The following KLB variants were observed in gnomAD, a reference collection of about 807,000 sequenced individuals.
KLB encodes the protein klotho beta, also known as beta-klotho.
In KLB, 44 loss-of-function variants were observed where a neutral mutation model predicts 88.4. That is an observed-to-expected ratio of 0.50 (90% CI 0.39 to 0.64). KLB has a LOEUF of 0.64. Ranked by LOEUF, KLB falls within the 30% of genes least tolerant of loss-of-function variation. The pLI is 0.00. For synonymous variants in KLB, 548 were observed against 513.4 expected (o/e 1.07, Z -0.91); for missense variants, 1,137 against 1,304.8 (o/e 0.87, Z 1.98).
chr4:39,436,045 C>T (rs947903742), intron 2 of KLB, among the ~76,000 whole-genome samples: 1 of 152,158 alleles, frequency 6.6e-6, no homozygotes, highest in Admixed American at 6.5e-5. Flanking sequence ...CCCCACTTAG[C>T]CCCTCACTCC....
rs1356635976 is a variant in KLB, at chr4:39,434,572, A to G, written c.1188A>G (p.Leu396=). ...TGGGACAAAATGTTTCACTTAATTTAAGAGAAGCGCTGAACTGGATTAAAC... is the reference window on the plus strand; with the variant it reads ...TGGGACAAAATGTTTCACTTAATTTGAGAGAAGCGCTGAACTGGATTAAAC... The part of the protein sequence containing the change: ...AKMGQNVSLN[L]REALNWIKLE... Residue 396 remains leucine (L), a synonymous_variant, in exon 2 of 5, where the codon TTA becomes TTG. Coordinates refer to ENST00000257408, the MANE Select transcript of KLB (RefSeq NM_175737.4). 1 of 1,614,188 alleles carries G rather than the reference A, an allele frequency of 6.2e-7. No individual in the cohort carries two copies. Among genetic ancestry groups the G allele is most frequent in the Non-Finnish European group, 8.5e-7 (1 of 1,180,032 alleles).
In KLB at chr4:39,407,152, C is replaced by A. The variant is rs1742746726; in HGVS notation, c.203C>A (p.Thr68Asn). ...ATATGGTCTAAAAATCCTAATTTTACTCCGGTAAATGAAAGTCAGCTGTTT... is the reference window on the plus strand; with the variant it reads ...ATATGGTCTAAAAATCCTAATTTTAATCCGGTAAATGAAAGTCAGCTGTTT... ...RAIWSKNPNF[T>N]PVNESQLFLY... Residue 68 changes from threonine to asparagine, a missense_variant, in exon 1 of 5, where the codon ACT becomes AAT. Thr to Asn is a moderately conservative substitution (Grantham distance 65, BLOSUM62 0). This residue lies in a region of KLB where 111 missense variants were observed against 118.3 expected (regional missense o/e 0.94). Transcript: ENST00000257408. 1 of 1,614,108 alleles carries A rather than the reference C, an allele frequency of 6.2e-7. No homozygotes were observed.
chr4:39,443,343 G>A (rs1384878248), intron 3 of KLB, among the ~76,000 whole-genome samples: 1 of 150,536 alleles, frequency 6.6e-6, no homozygotes, highest in African/African-American at 2.4e-5. Context: ...TAGTGTGGGC[G>A]ACAGGGCAAG....
chr4:39,429,215 G>T (rs893582527), intron 1 of KLB, among the ~76,000 whole-genome samples: 5 of 152,190 alleles, frequency 3.3e-5, no homozygotes, highest in African/African-American at 4.8e-5. Flanking sequence ...CTCATGCACA[G>T]ATTTGGAAAT....
intron 1 of KLB, among the ~76,000 whole-genome samples, chr4:39,415,578 T>A (rs1742948227): frequency 6.6e-6 from 1 of 152,190 alleles, no homozygotes; most frequent in Non-Finnish European, 1.5e-5. Context: ...ATAATTTAAA[T>A]AATGTGCATT....
At chr4:39,435,666 T>C (rs1046608672) in intron 2 of KLB, among the ~76,000 whole-genome samples, 1 of 151,940 alleles carries the variant, frequency 6.6e-6, no homozygotes, top group Non-Finnish European at 1.5e-5. Context: ...CCTCAGGTGA[T>C]CCACCTGCCT....
At position 39,449,591 on chromosome 4, in the gene KLB, A is replaced by G. The variant is rs888205240; in HGVS notation, c.*905A>G. The stretch of plus-strand genomic sequence containing the variant: ...AACAACAAAAAATCACCTATAGAAT[A>G]TCTAATTTGTGATCTTTTACTAGAT... On this transcript the variant is annotated 3_prime_UTR_variant, in exon 5 of 5. Transcript: ENST00000257408. The G allele has an allele frequency of 5.3e-5, 8 of 152,170 alleles. No individual in the cohort carries two copies. Among genetic ancestry groups the G allele is most frequent in the African/African-American group, 1.9e-4 (8 of 41,428 alleles). The allele number at this position is 152,170 out of a possible 1,614,324, so 9.4% of individuals were successfully genotyped here.
intron 4 of KLB, 60 bp from the exon 5 acceptor site, chr4:39,448,238 ATTC>A: frequency 7.7e-7 from 1 of 1,290,640 alleles, no homozygotes; most frequent in Non-Finnish European, 1.1e-6. Flanking sequence ...TGAAAACTAA[ATTC>A]TTCCTCAAAG....
chr4:39,420,205 A>T (rs1203974780), intron 1 of KLB, among the ~76,000 whole-genome samples: 1 of 152,090 alleles, frequency 6.6e-6, no homozygotes, highest in Non-Finnish European at 1.5e-5. Flanking sequence ...GGGGGAGTTC[A>T]TTGCTTGGTT....
At chr4:39,425,131 G>A (rs1030617043) in intron 1 of KLB, among the ~76,000 whole-genome samples, 1 of 152,256 alleles carries the variant, frequency 6.6e-6, no homozygotes, top group South Asian at 2.1e-4. Flanking sequence ...CTCTCCTCCG[G>A]CAAAGAGAAC....
chr4:39,412,038 A>C (rs1028986211), intron 1 of KLB: 3 of 151,856 alleles, frequency 2.0e-5, no homozygotes, highest in African/African-American at 7.3e-5. Flanking sequence ...ACAGAAGGAT[A>C]TAATCAACTT....
At chr4:39,413,340 TG>T (rs1742895417) in intron 1 of KLB, among the ~76,000 whole-genome samples, 1 of 152,194 alleles carries the variant, frequency 6.6e-6, no homozygotes, top group Non-Finnish European at 1.5e-5. Flanking sequence ...TGAGAGTCTC[TG>T]AGTAAACATG....
intron 1 of KLB, among the ~76,000 whole-genome samples, chr4:39,425,025 G>A (rs768518322): frequency 6.6e-6 from 1 of 152,164 alleles, no homozygotes; most frequent in Non-Finnish European, 1.5e-5. Flanking sequence ...GTTATACCAT[G>A]AGATATAGTC....
At chr4:39,428,146 T>C (rs1202842192) in intron 1 of KLB, among the ~76,000 whole-genome samples, 2 of 152,162 alleles carry the variant, frequency 1.3e-5, no homozygotes, top group African/African-American at 4.8e-5. Context: ...AAATAGGTAG[T>C]CCAGGCCGGG....
At chr4:39,437,505 T>C (rs1261360753) in intron 2 of KLB, among the ~76,000 whole-genome samples, 1 of 152,224 alleles carries the variant, frequency 6.6e-6, no homozygotes, top group African/African-American at 2.4e-5. Context: ...GACATACACT[T>C]GTTCCAAGTG....
chr4:39,422,618 A>G (rs1473103542), intron 1 of KLB, among the ~76,000 whole-genome samples: 1 of 152,104 alleles, frequency 6.6e-6, no homozygotes, highest in African/African-American at 2.4e-5. Context: ...ATATTATTCA[A>G]TTTCTATGGC....
In KLB at chr4:39,446,674, G is replaced by A. The variant is rs747598830; in HGVS notation, c.1948G>A (p.Gly650Ser). The change falls in exon 4 of 5, where the codon GGC becomes AGC. Residue 650 changes from glycine (G) to serine (S), a missense_variant. Gly to Ser is a moderately conservative substitution (Grantham distance 56). This residue lies in a region of KLB where 597 missense variants were observed against 765.2 expected (regional missense o/e 0.78). Transcript: ENST00000257408. This position sits in a 1 kb window ranked among gnomAD's most constrained non-coding sequence, Gnocchi z 6.4. ...GTATTATCCGACCCACGCCCACCTA[G>A]GCCTCCCCGAGCCTCTGTTGCATGC... ...TLYYPTHAHL[G>S]LPEPLLHADG... is the part of the protein sequence containing the mutation. 1.2e-6 allele frequency: 2 copies of A among 1,612,036 alleles called. No individual in the cohort carries two copies. Among genetic ancestry groups the A allele is most frequent in the Non-Finnish European group, 1.7e-6 (2 of 1,178,962 alleles).
Position 39,446,004 on chromosome 4 carries a change from G to T in KLB, c.1606-328G>T, listed in dbSNP as rs1309842601. 4.0e-5 allele frequency among the ~76,000 whole-genome samples: 6 copies of T among 148,598 alleles called. No homozygotes were observed. In the East Asian group the frequency reaches 1.0e-3, roughly 25 times the overall value. ...TATGGCAGGGTTTAGAATCTCTTTT[G>T]TAATTGCTTTTAATTGAGTGTACCA... On this transcript the variant is annotated intron_variant, in intron 3 of 4. Transcript: ENST00000257408. The surrounding 1 kb of genome is among the most constrained non-coding windows in gnomAD (Gnocchi z 6.4).
intron 3 of KLB, among the ~76,000 whole-genome samples, chr4:39,443,385 A>G (rs1370065967): frequency 6.7e-6 from 1 of 150,136 alleles, no homozygotes; most frequent in Admixed American, 6.6e-5. Flanking sequence ...CCCCCCAAAA[A>G]AAAGAAAAAA....
Sources: gnomAD v4.1 joint callset for allele counts (sites outside exome capture counted in the v4.1 genomes callset) on GRCh38, gnomAD v4.1.1 for gene constraint, gnomAD v4.1.1 regional missense constraint, Gnocchi (gnomAD v3.1) non-coding constraint, MANE v1.5 for transcripts, NCBI Gene and HGNC (gene_info 2026-07-23, HGNC 2026-07-21) for gene names.